SOX6: variants seen among roughly 807,000 people sequenced by gnomAD.
SOX6 encodes the protein transcription factor SOX-6.
A neutral mutation model predicts 97.8 loss-of-function variants in SOX6; 11 were observed. The ratio of observed to expected loss-of-function variants is 0.11; its 90% confidence interval spans 0.07 to 0.19. The LOEUF is 0.19. SOX6 is among the 10% of genes least tolerant of loss of function. SOX6 has a pLI of 1.00. For missense variants in SOX6, 810 were observed against 1,039.5 expected (o/e 0.78, Z 3.04); for synonymous variants, 360 against 371.4 (o/e 0.97, Z 0.35).
intron 3 of SOX6, among the ~76,000 whole-genome samples, chr11:16,299,773 C>G (rs1158283296): frequency 2.0e-5 from 3 of 151,966 alleles, no homozygotes; most frequent in African/African-American, 4.8e-5. Flanking sequence ...CCACATGGGT[C>G]TTTTATATTC....
intron 1 of SOX6, among the ~76,000 whole-genome samples, chr11:16,415,239 C>T (rs1463920610): frequency 6.6e-6 from 1 of 151,514 alleles, no homozygotes; most frequent in Non-Finnish European, 1.5e-5. Flanking sequence ...ACTTTTGTTA[C>T]CAAAAATAAA....
At chr11:16,665,897 T>C (rs115096039) in intron 3 of SOX6, among the ~76,000 whole-genome samples, 3,183 of 152,314 alleles carry the variant, frequency 0.021, 125 homozygotes, top group African/African-American at 0.073. Context: ...CTCTGCCTGG[T>C]AATCCAGGGA....
chr11:16,240,284 G>GTA (rs1853147067), intron 3 of SOX6, among the ~76,000 whole-genome samples: 1 of 149,328 alleles, frequency 6.7e-6, no homozygotes, highest in Non-Finnish European at 1.5e-5. Flanking sequence ...TAGTGTGTGT[G>GTA]TGTGTGTGTG....
At chr11:16,050,640 A>G (rs1406566352) in intron 10 of SOX6, among the ~76,000 whole-genome samples, 1 of 152,192 alleles carries the variant, frequency 6.6e-6, no homozygotes, top group African/African-American at 2.4e-5. Context: ...TTTTCTACAT[A>G]TATTTACAGA....
chr11:16,110,362 A>G (rs947025819), intron 7 of SOX6: 1 of 151,932 alleles, frequency 6.6e-6, no homozygotes, highest in Non-Finnish European at 1.5e-5. Context: ...GTAGTTTAGA[A>G]TGACTTACAG....
At chr11:16,425,077 T>C (rs1024272421) in intron 1 of SOX6, among the ~76,000 whole-genome samples, 1 of 152,252 alleles carries the variant, frequency 6.6e-6, no homozygotes, top group Non-Finnish European at 1.5e-5. Context: ...TCCTCCCTTC[T>C]TATCTTTTCT....
At chr11:16,609,657 C>T (rs768455410) in intron 4 of SOX6, among the ~76,000 whole-genome samples, 4 of 152,168 alleles carry the variant, frequency 2.6e-5, no homozygotes, top group Non-Finnish European at 5.9e-5. Context: ...GCTGAGCTGT[C>T]GATCATATAC....
At chr11:16,295,282 C>G (rs1458461705) in intron 3 of SOX6, among the ~76,000 whole-genome samples, 2 of 151,958 alleles carry the variant, frequency 1.3e-5, no homozygotes, top group Non-Finnish European at 1.5e-5. Flanking sequence ...AGAGCATAAA[C>G]CATTTTCATT....
At chr11:16,161,189 C>T (rs1850740074) in intron 6 of SOX6, among the ~76,000 whole-genome samples, 1 of 152,038 alleles carries the variant, frequency 6.6e-6, no homozygotes, top group South Asian at 2.1e-4. Flanking sequence ...AAAAGATACA[C>T]ACAGTTGGTT....
chr11:16,204,359 A>G (rs1430161525), intron 4 of SOX6, among the ~76,000 whole-genome samples: 1 of 152,112 alleles, frequency 6.6e-6, no homozygotes, highest in Non-Finnish European at 1.5e-5. Flanking sequence ...CCCAACCTAG[A>G]GTCCCAGATT....
chr11:16,016,595 G>A (rs1260952613), intron 12 of SOX6, among the ~76,000 whole-genome samples: 1 of 152,036 alleles, frequency 6.6e-6, no homozygotes, highest in Non-Finnish European at 1.5e-5. Flanking sequence ...ACAACAAAAA[G>A]CAACTATAAG....
At chr11:16,088,454 T>C (rs1434829913) in intron 9 of SOX6, among the ~76,000 whole-genome samples, 1 of 152,158 alleles carries the variant, frequency 6.6e-6, no homozygotes, top group Non-Finnish European at 1.5e-5. Context: ...GTGCTCTGCC[T>C]TTTCACCCCT....
intron 3 of SOX6, among the ~76,000 whole-genome samples, chr11:16,265,619 A>G (rs552552547): frequency 6.6e-6 from 1 of 152,036 alleles, no homozygotes; most frequent in South Asian, 2.1e-4. Flanking sequence ...ATCAAATGAA[A>G]CTGAACTAAC....
intron 4 of SOX6, among the ~76,000 whole-genome samples, chr11:16,608,790 T>A (rs1251723492): frequency 1.3e-5 from 2 of 152,228 alleles, no homozygotes; most frequent in Non-Finnish European, 2.9e-5. Flanking sequence ...TGTTATACTG[T>A]TATATGGATA....
intron 4 of SOX6, among the ~76,000 whole-genome samples, chr11:16,519,603 C>T (rs1319309190): frequency 6.6e-6 from 1 of 152,122 alleles, no homozygotes; most frequent in Non-Finnish European, 1.5e-5. Flanking sequence ...CAATCAACCA[C>T]TGATGGACAC....
At chr11:16,611,423 C>G (rs1163985950) in intron 4 of SOX6, among the ~76,000 whole-genome samples, 2 of 152,194 alleles carry the variant, frequency 1.3e-5, no homozygotes, top group African/African-American at 2.4e-5. Context: ...GCATAACTGT[C>G]AATCGCTCCC....
intron 6 of SOX6, among the ~76,000 whole-genome samples, chr11:16,148,525 G>A (rs1188989221): frequency 6.6e-6 from 1 of 152,090 alleles, no homozygotes; most frequent in Non-Finnish European, 1.5e-5. Context: ...CTATGAAACC[G>A]TGTTGGACAA....
intron 2 of SOX6, among the ~76,000 whole-genome samples, chr11:16,717,423 T>C (rs1348520869): frequency 6.6e-6 from 1 of 151,712 alleles, no homozygotes; most frequent in African/African-American, 2.4e-5. Context: ...AATCTTGATT[T>C]ATAATGCTAA....
At chr11:16,490,208 C>T (rs556975742) in intron 4 of SOX6, among the ~76,000 whole-genome samples, 9 of 151,984 alleles carry the variant, frequency 5.9e-5, no homozygotes, top group Non-Finnish European at 1.3e-4. Context: ...ATAGAAATTA[C>T]ATATATAAGT....
Sources: gnomAD v4.1 joint callset for allele counts (sites outside exome capture counted in the v4.1 genomes callset) on GRCh38, gnomAD v4.1.1 for gene constraint, MANE v1.5 for transcripts, NCBI Gene and HGNC (gene_info 2026-07-23, HGNC 2026-07-21) for gene names.